COBLL1: variants seen among roughly 807,000 people sequenced by gnomAD.
The protein encoded by COBLL1 is cordon-bleu protein-like 1.
In COBLL1, 50 loss-of-function variants were observed where a neutral mutation model predicts 94.8. The observed-to-expected ratio is 0.53, with a 90% confidence interval of 0.42 to 0.67. The LOEUF (loss-of-function observed/expected upper bound fraction) is 0.67, where lower values mean the gene tolerates loss of function less well. Ranked by LOEUF, COBLL1 falls within the 30% of genes least tolerant of loss-of-function variation. The probability of loss-of-function intolerance (pLI) is 0.00; values close to 1 mark genes in which losing one functional copy is unlikely to be tolerated. For missense variants in COBLL1, 1,362 were observed against 1,348.7 expected, an observed-to-expected ratio of 1.01 and a Z score of -0.15; for synonymous variants, 448 against 473.8, an observed-to-expected ratio of 0.95 and a Z score of 0.71.
intron 2 of COBLL1, among the ~76,000 whole-genome samples, chr2:164,764,181 G>A (rs2105230778): frequency 6.6e-6 from 1 of 152,294 alleles, no homozygotes; most frequent in East Asian, 1.9e-4. Flanking sequence ...TACCAGGCGT[G>A]AGCCACCACA....
intron 7 of COBLL1, among the ~76,000 whole-genome samples, chr2:164,714,960 A>T (rs957280035): frequency 1.3e-5 from 2 of 152,194 alleles, no homozygotes; most frequent in African/African-American, 4.8e-5. Flanking sequence ...ATTTTTCCTT[A>T]AAGTTTAACA....
At chr2:164,725,777 A>G (rs1307749037) in intron 5 of COBLL1, among the ~76,000 whole-genome samples, 2 of 152,142 alleles carry the variant, frequency 1.3e-5, no homozygotes, top group East Asian at 3.9e-4. Flanking sequence ...CACACTAGTT[A>G]GCCATTAAGT....
At chr2:164,785,961 C>T (rs1166984127) in intron 2 of COBLL1, among the ~76,000 whole-genome samples, 2 of 151,392 alleles carry the variant, frequency 1.3e-5, no homozygotes, top group Non-Finnish European at 2.9e-5. Flanking sequence ...ATAAAACAGG[C>T]AGCTAATTTG....
In COBLL1 at chr2:164,684,473, T is replaced by G. The variant is rs905513811; in HGVS notation, c.*1473A>C. 4 of 152,140 alleles carry G rather than the reference T, an allele frequency of 2.6e-5. No individual in the cohort carries two copies. Among genetic ancestry groups the G allele is most frequent in the Non-Finnish European group, 4.4e-5 (3 of 68,008 alleles). 9.4% of individuals were successfully genotyped at this position (152,140 alleles called of 1,614,324 possible). ...TCTACTTGCTTATAACAACATAACTTAAGTATCTATATATGAGGGTCTCTC... is the reference window on the plus strand; with the variant it reads ...TCTACTTGCTTATAACAACATAACTGAAGTATCTATATATGAGGGTCTCTC... On this transcript the variant is annotated 3_prime_UTR_variant, in exon 14 of 14. Transcript: ENST00000652658.
chr2:164,821,975 G>A (rs920941451), intron 2 of COBLL1, among the ~76,000 whole-genome samples: 3 of 152,112 alleles, frequency 2.0e-5, no homozygotes, highest in Non-Finnish European at 4.4e-5. Context: ...CTTAGCTACA[G>A]ACATTTAATC....
At chr2:164,834,659 C>T (rs1683237241) in intron 2 of COBLL1, among the ~76,000 whole-genome samples, 1 of 151,934 alleles carries the variant, frequency 6.6e-6, no homozygotes, top group Non-Finnish European at 1.5e-5. Flanking sequence ...ATATTTTTAG[C>T]TTTGCAGGCC....
At chr2:164,673,531 C>T (rs192741098) in intron 1 of COBLL1, among the ~76,000 whole-genome samples, 134 of 152,040 alleles carry the variant, frequency 8.8e-4, no homozygotes, top group African/African-American at 3.1e-3. Flanking sequence ...AAAAATTAGC[C>T]GGGTGTGGTG....
chr2:164,695,418 C>T lies in COBLL1; in HGVS notation c.1974G>A (p.Arg658=). Residue 658 remains arginine, a synonymous_variant, in exon 12 of 14, where the codon AGG becomes AGA. Transcript: ENST00000652658. ...QDSVNTSREF[R]SQGTLIIHSE... ...AATGTATAATTAGGGTGCCTTGACT[C>T]CTGAATTCCCTTGAGGTATTTACAG... 6.2e-7 allele frequency: 1 copy of T among 1,613,812 alleles called. No individual in the cohort carries two copies. The highest frequency in any genetic ancestry group is 1.7e-5 in the Admixed American group (1 of 59,974).
Position 164,694,621 on chromosome 2 carries a change from T to C in COBLL1, c.2771A>G (p.His924Arg). The change falls in exon 12 of 14, where the codon CAC becomes CGC. Residue 924 changes from histidine to arginine, a missense_variant. Transcript: ENST00000652658. ...TTCAACAAGGGGTTGTGGAACAGAGTGAGGCATTTTACTTAAGGGAGAAAG... is the reference window on the plus strand; with the variant it reads ...TTCAACAAGGGGTTGTGGAACAGAGCGAGGCATTTTACTTAAGGGAGAAAG... ...QTLSPLSKMPHSVPQPLVEKT... is the reference protein window; with the variant it reads ...QTLSPLSKMPRSVPQPLVEKT... 1 of 1,613,808 alleles carries C rather than the reference T, an allele frequency of 6.2e-7. No homozygotes were observed. The highest frequency in any genetic ancestry group is 8.5e-7 in the Non-Finnish European group (1 of 1,179,926).
At chr2:164,761,589 A>T (rs1263537428) in intron 2 of COBLL1, 1 of 152,212 alleles carries the variant, frequency 6.6e-6, no homozygotes, top group Non-Finnish European at 1.5e-5. Context: ...TCAATAAGAC[A>T]CAGGCGTCAC....
Position 164,694,893 on chromosome 2 carries a change from A to C in COBLL1, c.2499T>G (p.Thr833=). 6.2e-7 allele frequency: 1 copy of C among 1,613,972 alleles called. No homozygotes were observed. Among genetic ancestry groups the C allele is most frequent in the Non-Finnish European group, 8.5e-7 (1 of 1,179,948 alleles). ...LKPAPKMTRD[T]GTAPFAPNLE... ...AATTTGGTGCAAAAGGAGCTGTGCC[A>C]GTGTCTCTTGTCATTTTGGGAGCAG... Residue 833 remains threonine (T), a synonymous_variant, in exon 12 of 14, where the codon ACT becomes ACG. Coordinates refer to ENST00000652658, the MANE Select transcript of COBLL1 (RefSeq NM_001365672.2).
intron 2 of COBLL1, chr2:164,779,933 G>C (rs1443937195): frequency 9.2e-6 from 2 of 217,090 alleles, no homozygotes; most frequent in African/African-American, 4.5e-5. Flanking sequence ...GCCAAGATGA[G>C]GCCTAATGAG....
intron 9 of COBLL1, chr2:164,703,291 C>G: frequency 1.1e-6 from 1 of 924,800 alleles, no homozygotes; most frequent in Non-Finnish European, 1.7e-6. Flanking sequence ...GACCAAGAAG[C>G]ATTTTGGAAG....
At chr2:164,659,795 T>C (rs949258692) in intron 2 of COBLL1, among the ~76,000 whole-genome samples, 2 of 152,220 alleles carry the variant, frequency 1.3e-5, no homozygotes, top group Non-Finnish European at 2.9e-5. Flanking sequence ...TTTTCTTTTA[T>C]TGATCATTTT....
At chr2:164,783,746 T>G (rs1047458040) in intron 2 of COBLL1, among the ~76,000 whole-genome samples, 2 of 151,946 alleles carry the variant, frequency 1.3e-5, no homozygotes, top group African/African-American at 4.8e-5. Context: ...GGAGGGAGGA[T>G]AGCACGAGCC....
At chr2:164,781,963 A>C (rs1046464031) in intron 2 of COBLL1, among the ~76,000 whole-genome samples, 2 of 152,162 alleles carry the variant, frequency 1.3e-5, no homozygotes, top group Non-Finnish European at 2.9e-5. Flanking sequence ...AAATGGAATA[A>C]AGCTATCCTT....
At chr2:164,814,313 C>A (rs1431903298) in intron 2 of COBLL1, among the ~76,000 whole-genome samples, 3 of 151,990 alleles carry the variant, frequency 2.0e-5, no homozygotes, top group Admixed American at 2.0e-4. Flanking sequence ...TAACATTAGA[C>A]CTAGCATCTA....
At chr2:164,659,735 T>C (rs1190741415) in intron 2 of COBLL1, among the ~76,000 whole-genome samples, 1 of 152,014 alleles carries the variant, frequency 6.6e-6, no homozygotes, top group Non-Finnish European at 1.5e-5. Flanking sequence ...GAATAAGGAG[T>C]GAGTAGCAGA....
At chr2:164,774,804 C>T (rs1688383034) in intron 2 of COBLL1, among the ~76,000 whole-genome samples, 1 of 150,244 alleles carries the variant, frequency 6.7e-6, no homozygotes, top group Non-Finnish European at 1.5e-5. Flanking sequence ...TAATATTGTA[C>T]TGTATACTGG....
Sources: gnomAD v4.1 joint callset for allele counts (sites outside exome capture counted in the v4.1 genomes callset) on GRCh38, gnomAD v4.1.1 for gene constraint, MANE v1.5 for transcripts, NCBI Gene and HGNC (gene_info 2026-07-23, HGNC 2026-07-21) for gene names.